LPA: variants seen among roughly 807,000 people sequenced by gnomAD.
LPA encodes the protein lipoprotein(a).
Under a neutral mutation model 197.9 loss-of-function variants are expected in LPA, and 199 were observed. The ratio of observed to expected loss-of-function variants is 1.01; its 90% CI spans 0.90 to 1.13. The LOEUF (loss-of-function observed/expected upper bound fraction) is 1.13. Among genes scored for constraint, LPA ranks in the 50% most tolerant of loss-of-function variants. The pLI is 0.00. For synonymous variants in LPA, 715 were observed against 639.5 expected, an observed-to-expected ratio of 1.12 and a Z score of -1.78; for missense variants, 1,853 against 1,785.8, an observed-to-expected ratio of 1.04 and a Z score of -0.68.
At chr6:160,560,503 A>G (rs1778342680) in intron 28 of LPA, among the ~76,000 whole-genome samples, 1 of 152,198 alleles carries the variant, frequency 6.6e-6, no homozygotes, top group South Asian at 2.1e-4. Context: ...ATGAGATGGT[A>G]TCTCATTGTG....
At chr6:160,557,650 T>C (rs1249901120) in intron 28 of LPA, 79 bp from the exon 29 acceptor site, 12 of 1,285,906 alleles carry the variant, frequency 9.3e-6, no homozygotes, top group Non-Finnish European at 1.2e-5. Context: ...AACTTTGTTA[T>C]AACAAAGTGT....
At chr6:160,596,937 C>T (rs1470527168) in intron 20 of LPA, among the ~76,000 whole-genome samples, 2 of 152,018 alleles carry the variant, frequency 1.3e-5, no homozygotes, top group African/African-American at 2.4e-5. Flanking sequence ...TTTCTTTGTC[C>T]CAAAGAGTAT....
intron 16 of LPA, among the ~76,000 whole-genome samples, chr6:160,607,017 C>A (rs1322806282): frequency 6.6e-6 from 1 of 151,818 alleles, no homozygotes; most frequent in Non-Finnish European, 1.5e-5. Flanking sequence ...ATTGTGGAAT[C>A]GTTTATTCAC....
At position 160,557,289 on chromosome 6, in the gene LPA, A is replaced by G. The variant is rs1298634149; in HGVS notation, c.4813+101T>C. On this transcript the variant is annotated intron_variant, in intron 29 of 38. Transcript: ENST00000316300. ...GCTTCTTTCCACCTGCCATACCCTC[A>G]AGTTTCTGTGTAGCATGGAAGGCTT... The G allele has an allele frequency of 9.3e-6, 13 of 1,404,478 alleles. No homozygotes were observed. In the East Asian group the frequency reaches 1.8e-4, roughly 20 times the overall value. 87.0% of individuals were successfully genotyped at this position (1,404,478 alleles called of 1,614,324 possible).
intron 23 of LPA, among the ~76,000 whole-genome samples, chr6:160,590,022 AAGGC>A (rs1202809232): frequency 1.3e-5 from 2 of 152,210 alleles, no homozygotes; most frequent in Admixed American, 6.5e-5. Context: ...TCCTGAGAAC[AAGGC>A]AGGAGACCAG....
rs1777956937 is a variant in LPA at position 160,540,087 on chromosome 6, G to T, written c.5691C>A (p.Phe1897Leu). ...CAATATCTGCTTGTGTGGGCTCCAA[G>T]AACAGCCTAGACACTTCTATTTCCT... is the stretch of plus-strand genomic sequence containing the variant. The part of the protein sequence containing the change: ...HVQEIEVSRL[F>L]LEPTQADIAL... Residue 1897 changes from phenylalanine to leucine, a missense_variant, in exon 36 of 39, where the codon TTC becomes TTA. This residue lies in a region of LPA where 1,737 missense variants were observed against 1,504.4 expected (regional missense o/e 1.15). Transcript: ENST00000316300. The T allele has an allele frequency of 1.9e-6, 3 of 1,614,010 alleles. No homozygotes were observed. The highest frequency in any genetic ancestry group is 1.3e-5 in the African/African-American group (1 of 74,906).
chr6:160,578,389 A>T lies in LPA; in HGVS notation c.4471+134T>A. Reference sequence around the variant, plus strand: ...AATCACAGTTCTGGATCCCCCAGAGAGGGCGCTGAGGCTTTCCTCCACATT... The same window carrying T: ...AATCACAGTTCTGGATCCCCCAGAGTGGGCGCTGAGGCTTTCCTCCACATT... On this transcript the variant is annotated intron_variant, in intron 27 of 38. Transcript: ENST00000316300. 4 of 1,085,112 alleles carry T rather than the reference A, an allele frequency of 3.7e-6. No individual in the cohort carries two copies. In the South Asian group the frequency reaches 5.4e-5, roughly 15 times the overall value. 67.2% of individuals were successfully genotyped at this position (1,085,112 alleles called of 1,614,324 possible). A position where few individuals can be genotyped will look rare whatever the true frequency, so the allele number is the denominator to read the frequency against.
chr6:160,531,924 T>C, intron 38 of LPA, 34 bp from the exon 39 acceptor site: 1 of 1,612,692 alleles, frequency 6.2e-7, no homozygotes, highest in Non-Finnish European at 8.5e-7. Context: ...CATGTGAGCT[T>C]TAAGCTGCCA....
chr6:160,550,369 T>C (rs1424106305), intron 30 of LPA, among the ~76,000 whole-genome samples: 1 of 152,152 alleles, frequency 6.6e-6, no homozygotes, highest in Non-Finnish European at 1.5e-5. Flanking sequence ...AACCTTGAAA[T>C]GTATTATGTA....
intron 28 of LPA, among the ~76,000 whole-genome samples, chr6:160,560,327 A>G (rs1423652492): frequency 6.6e-6 from 1 of 152,172 alleles, no homozygotes; most frequent in Non-Finnish European, 1.5e-5. Flanking sequence ...GCTGGGTCAA[A>G]TGGTACTTCT....
In LPA at chr6:160,583,025, T is replaced by A. The variant is rs1160048057; in HGVS notation, c.4289+2021A>T. 2.0e-5 allele frequency among the ~76,000 whole-genome samples: 3 copies of A among 152,102 alleles called. No homozygotes were observed. The East Asian group carries it at 5.8e-4, about 29-fold the overall frequency. ...TGTCTTTTTTTTCAGTTCTTGACTC[T>A]CCATTTGGTCCTTTTACAATTTTTC... On this transcript the variant is annotated intron_variant, in intron 26 of 38. Transcript: ENST00000316300.
At chr6:160,662,184 T>C (rs1780238106) in intron 1 of LPA, among the ~76,000 whole-genome samples, 1 of 152,356 alleles carries the variant, frequency 6.6e-6, no homozygotes, top group Admixed American at 6.5e-5. Context: ...TAGGGTTTAT[T>C]TGTTGGTGAA....
intron 28 of LPA, among the ~76,000 whole-genome samples, chr6:160,561,504 A>G (rs933626877): frequency 4.6e-5 from 7 of 152,170 alleles, no homozygotes; most frequent in African/African-American, 1.4e-4. Flanking sequence ...GTCAGATAGC[A>G]TGATGCCTCC....
intron 16 of LPA, among the ~76,000 whole-genome samples, chr6:160,610,363 A>G (rs1779467224): frequency 6.6e-6 from 1 of 152,086 alleles, no homozygotes; most frequent in South Asian, 2.1e-4. Flanking sequence ...CCTTTATTCT[A>G]GTAATATACT....
chr6:160,576,388 A>ATATG (rs1778670496), intron 28 of LPA, among the ~76,000 whole-genome samples: 2 of 50,224 alleles, frequency 4.0e-5, no homozygotes, highest in South Asian at 6.7e-4. Context: ...ATATATATAT[A>ATATG]TGTATATATA....
chr6:160,648,213 C>G (rs1198650243), intron 2 of LPA, among the ~76,000 whole-genome samples: 1 of 152,186 alleles, frequency 6.6e-6, no homozygotes, highest in Non-Finnish European at 1.5e-5. Flanking sequence ...ACTTGTATCA[C>G]TGTTCCTCTA....
chr6:160,648,523 G>A (rs960986260), intron 2 of LPA, among the ~76,000 whole-genome samples: 12 of 151,930 alleles, frequency 7.9e-5, no homozygotes, highest in African/African-American at 1.5e-4. Context: ...ATGTCTGTGT[G>A]GCTCGGTTGA....
chr6:160,554,021 G>T (rs1373837588), intron 30 of LPA, among the ~76,000 whole-genome samples: 1 of 151,200 alleles, frequency 6.6e-6, no homozygotes, highest in African/African-American at 2.4e-5. Context: ...GTTATCTTCT[G>T]GTTCACTTTT....
intron 2 of LPA, among the ~76,000 whole-genome samples, chr6:160,648,204 C>T (rs1043772512): frequency 6.6e-6 from 1 of 152,160 alleles, no homozygotes; most frequent in East Asian, 1.9e-4. Context: ...ACATTAGTCA[C>T]TTGTATCACT....
Sources: allele counts gnomAD v4.1 joint callset (sites outside exome capture counted in the v4.1 genomes callset), GRCh38; gene constraint gnomAD v4.1.1; regional missense constraint gnomAD v4.1.1; transcripts MANE v1.5; gene names NCBI Gene and HGNC (gene_info 2026-07-23, HGNC 2026-07-21).